The following CSMD3 variants were observed in gnomAD, a reference collection of about 807,000 sequenced individuals.
CSMD3 encodes CUB and sushi domain-containing protein 3.
In CSMD3, 177 loss-of-function variants were observed where a neutral mutation model predicts 435.2. That is an observed-to-expected ratio of 0.41 (90% CI 0.36 to 0.46). CSMD3 has a LOEUF of 0.46. Ranked by LOEUF, CSMD3 falls within the 20% of genes least tolerant of loss-of-function variation. The probability of loss-of-function intolerance (pLI) is 0.34; values close to 1 mark genes in which losing one functional copy is unlikely to be tolerated. For synonymous variants in CSMD3, 1,656 were observed against 1,520.5 expected (o/e 1.09, Z -2.07); for missense variants, 4,265 against 4,504.6 (o/e 0.95, Z 1.52).
At chr8:112,935,320 A>T (rs1373695773) in intron 9 of CSMD3, among the ~76,000 whole-genome samples, 1 of 152,144 alleles carries the variant, frequency 6.6e-6, no homozygotes, top group African/African-American at 2.4e-5. Flanking sequence ...TTCTGAAGTC[A>T]GACTGTATGA....
intron 31 of CSMD3, among the ~76,000 whole-genome samples, chr8:112,476,193 G>A (rs1312594385): frequency 6.6e-6 from 1 of 151,982 alleles, no homozygotes; most frequent in African/African-American, 2.4e-5. Flanking sequence ...TTACAGCCAT[G>A]CACTACCACG....
At chr8:113,415,210 T>C (rs2094576735) in intron 1 of CSMD3, among the ~76,000 whole-genome samples, 1 of 152,182 alleles carries the variant, frequency 6.6e-6, no homozygotes, top group Non-Finnish European at 1.5e-5. Flanking sequence ...TCAGTGTTCA[T>C]TGAGTTTCAA....
intron 13 of CSMD3, among the ~76,000 whole-genome samples, chr8:112,766,352 AACAGAG>A (rs2077978808): frequency 6.6e-6 from 1 of 151,620 alleles, no homozygotes; most frequent in Non-Finnish European, 1.5e-5. Context: ...ACTTAGAGTG[AACAGAG>A]ACCTCTCTCT....
At chr8:113,063,652 G>A (rs1041940455) in intron 5 of CSMD3, among the ~76,000 whole-genome samples, 2 of 151,802 alleles carry the variant, frequency 1.3e-5, no homozygotes, top group Non-Finnish European at 2.9e-5. Flanking sequence ...GCAAACTACT[G>A]ATCCATGTTA....
intron 16 of CSMD3, among the ~76,000 whole-genome samples, chr8:112,676,986 G>A (rs1473490267): frequency 3.9e-5 from 6 of 152,042 alleles, no homozygotes; most frequent in Admixed American, 1.3e-4. Flanking sequence ...CTCTCTTCTC[G>A]TTGTTTTCAA....
intron 3 of CSMD3, among the ~76,000 whole-genome samples, chr8:113,267,685 C>A (rs559802255): frequency 6.6e-6 from 1 of 151,352 alleles, no homozygotes; most frequent in African/African-American, 2.4e-5. Flanking sequence ...GTTTGATAAC[C>A]GAGTAGGATG....
intron 1 of CSMD3, among the ~76,000 whole-genome samples, chr8:113,418,381 A>G (rs2094592282): frequency 6.6e-6 from 1 of 152,108 alleles, no homozygotes; most frequent in Non-Finnish European, 1.5e-5. Context: ...TGAGAAATGT[A>G]AGGAATCTTC....
intron 9 of CSMD3, among the ~76,000 whole-genome samples, chr8:112,934,360 T>A (rs1325436593): frequency 6.6e-6 from 1 of 152,188 alleles, no homozygotes; most frequent in Admixed American, 6.6e-5. Flanking sequence ...TATGTTGAGC[T>A]TTTTGGGTTG....
At chr8:113,019,504 T>A (rs2086601258) in intron 5 of CSMD3, among the ~76,000 whole-genome samples, 1 of 149,564 alleles carries the variant, frequency 6.7e-6, no homozygotes, top group South Asian at 2.1e-4. Context: ...TTATATAGTT[T>A]ATCATTTATT....
intron 5 of CSMD3, 79 bp from the exon 6 acceptor site, chr8:113,019,258 A>G: frequency 1.2e-6 from 1 of 864,534 alleles, no homozygotes; most frequent in East Asian, 2.4e-5. Flanking sequence ...GGGACCAAAC[A>G]AATGTCCAAC....
chr8:112,913,835 C>G (rs1056893346), intron 10 of CSMD3, among the ~76,000 whole-genome samples: 16 of 151,944 alleles, frequency 1.1e-4, no homozygotes, highest in African/African-American at 3.6e-4. Context: ...TTATCCTTTT[C>G]TATAAAAATT....
intron 2 of CSMD3, among the ~76,000 whole-genome samples, chr8:113,301,428 A>G (rs2093766346): frequency 6.6e-6 from 1 of 151,860 alleles, no homozygotes; most frequent in Non-Finnish European, 1.5e-5. Context: ...ATATATTTTC[A>G]TTTTTTTAAA....
intron 5 of CSMD3, among the ~76,000 whole-genome samples, chr8:113,090,839 C>T (rs189032922): frequency 6.6e-6 from 1 of 152,080 alleles, no homozygotes; most frequent in Admixed American, 6.6e-5. Context: ...TGATTCCCAC[C>T]CCCTTTTTCT....
intron 3 of CSMD3, among the ~76,000 whole-genome samples, chr8:113,216,471 T>C (rs1441225312): frequency 6.6e-6 from 1 of 151,952 alleles, no homozygotes; most frequent in African/African-American, 2.4e-5. Flanking sequence ...TCTATTTCAT[T>C]GTATTTTCTC....
intron 13 of CSMD3, among the ~76,000 whole-genome samples, chr8:112,698,707 A>C (rs1465079876): frequency 6.6e-6 from 1 of 152,160 alleles, no homozygotes; most frequent in Admixed American, 6.6e-5. Flanking sequence ...ACATTGAATA[A>C]AATTTAAATG....
intron 1 of CSMD3, among the ~76,000 whole-genome samples, chr8:113,414,753 G>A (rs1361419276): frequency 6.6e-6 from 1 of 151,442 alleles, no homozygotes; most frequent in African/African-American, 2.4e-5. Flanking sequence ...TTGAGCTCAG[G>A]CATTCAAGAC....
intron 57 of CSMD3, 134 bp downstream of exon 57, chr8:112,289,231 T>G: frequency 1.3e-6 from 1 of 794,928 alleles, no homozygotes; most frequent in South Asian, 1.4e-5. Flanking sequence ...AAGCAGTGTT[T>G]CAGCTTTTCT....
chr8:112,508,667 G>T (rs1267467594), intron 28 of CSMD3, among the ~76,000 whole-genome samples: 2 of 152,056 alleles, frequency 1.3e-5, no homozygotes, highest in Non-Finnish European at 2.9e-5. Flanking sequence ...AGAAAAAAAA[G>T]CCTTTTCATC....
At chr8:112,741,255 C>T (rs1240566570) in intron 13 of CSMD3, among the ~76,000 whole-genome samples, 1 of 151,830 alleles carries the variant, frequency 6.6e-6, no homozygotes, top group Non-Finnish European at 1.5e-5. Flanking sequence ...GAAACTCCTA[C>T]AACTCAATAG....
Sources: allele counts gnomAD v4.1 joint callset (sites outside exome capture counted in the v4.1 genomes callset), GRCh38; gene constraint gnomAD v4.1.1; transcripts MANE v1.5; gene names NCBI Gene and HGNC (gene_info 2026-07-23, HGNC 2026-07-21).